TOX3: variants seen among roughly 807,000 people sequenced by gnomAD.
TOX3 encodes the protein CAG trinucleotide repeat-containing gene F9 protein.
TOX3 carries 22 observed loss-of-function variants against 64.3 expected under a neutral mutation model. The observed-to-expected ratio is 0.34, with a 90% CI of 0.24 to 0.49. The LOEUF (loss-of-function observed/expected upper bound fraction) is 0.49, where lower values mean the gene tolerates loss of function less well. Among genes scored for constraint, TOX3 ranks in the 20% least tolerant of loss-of-function variants. The pLI is 0.99. For missense variants in TOX3, 661 were observed against 714.4 expected, an observed-to-expected ratio of 0.93 and a Z score of 0.85; for synonymous variants, 291 against 273.6, an observed-to-expected ratio of 1.06 and a Z score of -0.63.
intron 1 of TOX3, among the ~76,000 whole-genome samples, chr16:52,522,558 CA>C (rs1962633943): frequency 6.6e-6 from 1 of 152,284 alleles, no homozygotes; most frequent in East Asian, 1.9e-4. Context: ...ACCTATGACA[CA>C]GGGGTTTGTG....
intron 1 of TOX3, among the ~76,000 whole-genome samples, chr16:52,522,926 T>C (rs1482801272): frequency 1.3e-5 from 2 of 152,174 alleles, no homozygotes; most frequent in Non-Finnish European, 2.9e-5. Context: ...GCCTCCTCTA[T>C]AGCAGGCACA....
At chr16:52,538,672 T>C (rs1402377022) in intron 1 of TOX3, among the ~76,000 whole-genome samples, 1 of 152,212 alleles carries the variant, frequency 6.6e-6, no homozygotes, top group Non-Finnish European at 1.5e-5. Flanking sequence ...GTCTTCATAT[T>C]AGCCCATTTG....
chr16:52,484,980 A>G (rs992575058), intron 1 of TOX3, among the ~76,000 whole-genome samples: 4 of 151,840 alleles, frequency 2.6e-5, no homozygotes, highest in Non-Finnish European at 5.9e-5. Flanking sequence ...TAGCAAAGTC[A>G]TGGAACCAAC....
At chr16:52,483,119 T>A (rs1363658212) in intron 1 of TOX3, among the ~76,000 whole-genome samples, 1 of 152,128 alleles carries the variant, frequency 6.6e-6, no homozygotes, top group Non-Finnish European at 1.5e-5. Flanking sequence ...AGACCAAAAA[T>A]ATGCCCTCCC....
chr16:52,451,996 C>T (rs1452513474), intron 3 of TOX3, among the ~76,000 whole-genome samples: 2 of 152,104 alleles, frequency 1.3e-5, no homozygotes, highest in African/African-American at 2.4e-5. Context: ...ATGCTAACAA[C>T]GTCCCTCCCC....
chr16:52,505,658 A>G (rs1485831164), intron 1 of TOX3, among the ~76,000 whole-genome samples: 2 of 152,178 alleles, frequency 1.3e-5, no homozygotes, highest in Non-Finnish European at 2.9e-5. Context: ...ACTAATTAAT[A>G]ATTTTATGTC....
chr16:52,509,189 C>T (rs1707897744), intron 1 of TOX3, among the ~76,000 whole-genome samples: 1 of 152,104 alleles, frequency 6.6e-6, no homozygotes, highest in African/African-American at 2.4e-5. Flanking sequence ...TGTTTGAATG[C>T]TTATCATTGC....
chr16:52,497,083 A>G (rs1961868715), intron 1 of TOX3, among the ~76,000 whole-genome samples: 1 of 152,186 alleles, frequency 6.6e-6, no homozygotes, highest in African/African-American at 2.4e-5. Context: ...TAAAACTTTT[A>G]TTGCTACTTT....
chr16:52,508,850 C>A (rs1962228752), intron 1 of TOX3, among the ~76,000 whole-genome samples: 1 of 151,810 alleles, frequency 6.6e-6, no homozygotes, highest in Admixed American at 6.6e-5. Context: ...ACATGTATAG[C>A]TATATATTAT....
intron 5 of TOX3, 96 bp from the exon 6 acceptor site, chr16:52,444,452 A>G: frequency 9.2e-7 from 1 of 1,082,194 alleles, no homozygotes; most frequent in South Asian, 1.7e-5. Flanking sequence ...CACAACTCAC[A>G]TAAAAAGGTT....
intron 3 of TOX3, among the ~76,000 whole-genome samples, chr16:52,459,912 A>T (rs575472092): frequency 2.6e-5 from 4 of 152,110 alleles, no homozygotes; most frequent in African/African-American, 9.6e-5. Context: ...GTATAATAAT[A>T]AAAAAAACTT....
chr16:52,484,239 G>C (rs1192402823), intron 1 of TOX3, among the ~76,000 whole-genome samples: 1 of 152,086 alleles, frequency 6.6e-6, no homozygotes, highest in Non-Finnish European at 1.5e-5. Context: ...ATTCTAGAAA[G>C]GTTTTGTGTC....
chr16:52,495,057 C>T (rs933784109), intron 1 of TOX3, among the ~76,000 whole-genome samples: 3 of 152,152 alleles, frequency 2.0e-5, no homozygotes, highest in Non-Finnish European at 2.9e-5. Flanking sequence ...GGGTTAGGTA[C>T]GTTCTTTATA....
chr16:52,529,092 A>C (rs61129352), intron 1 of TOX3, among the ~76,000 whole-genome samples: 12,982 of 152,242 alleles, frequency 0.085, 1,436 homozygotes, highest in African/African-American at 0.25. Flanking sequence ...ATCAATGCTG[A>C]TTATGTCAGG....
intron 1 of TOX3, among the ~76,000 whole-genome samples, chr16:52,524,701 C>T (rs562686959): frequency 6.6e-6 from 1 of 152,272 alleles, no homozygotes; most frequent in African/African-American, 2.4e-5. Context: ...AAAAAGAAAT[C>T]GCAGCATGGC....
At position 52,457,597 on chromosome 16, in the gene TOX3, T is replaced by C. The variant is rs78976283; in HGVS notation, c.408+6337A>G. ...AGCAATAAAAATTACTTTGTATTCA[T>C]AAATATCAGAGTTAACTGCAAATAG... On this transcript the variant is annotated intron_variant, in intron 3 of 6. Coordinates refer to ENST00000219746, the MANE Select transcript of TOX3 (RefSeq NM_001080430.4). 3.3e-3 allele frequency among the ~76,000 whole-genome samples: 497 copies of C among 152,346 alleles called. 2 individuals are homozygous for C. The highest frequency in any genetic ancestry group is 0.012 in the African/African-American group (484 of 41,590).
intron 1 of TOX3, among the ~76,000 whole-genome samples, chr16:52,483,570 T>G (rs968034200): frequency 6.9e-6 from 1 of 144,656 alleles, no homozygotes; most frequent in Admixed American, 6.9e-5. Context: ...TTTGGTTTTT[T>G]TTTTTTTTTT....
At chr16:52,493,137 G>A (rs1324260115) in intron 1 of TOX3, among the ~76,000 whole-genome samples, 4 of 152,056 alleles carry the variant, frequency 2.6e-5, no homozygotes, top group South Asian at 4.1e-4. Context: ...ACCTGGAATC[G>A]GTGACTTATA....
At chr16:52,475,001 A>G (rs572427947) in intron 1 of TOX3, among the ~76,000 whole-genome samples, 3 of 151,800 alleles carry the variant, frequency 2.0e-5, no homozygotes, top group Non-Finnish European at 2.9e-5. Flanking sequence ...TGTCTGGACT[A>G]TTGTCCCTGT....
Sources: gnomAD v4.1 joint callset for allele counts (sites outside exome capture counted in the v4.1 genomes callset) on GRCh38, gnomAD v4.1.1 for gene constraint, MANE v1.5 for transcripts, NCBI Gene and HGNC (gene_info 2026-07-23, HGNC 2026-07-21) for gene names.